The following PCDHA13 variants were observed in gnomAD, a reference collection of about 807,000 sequenced individuals.
PCDHA13 encodes protocadherin alpha-13.
A neutral mutation model predicts 64.8 loss-of-function variants in PCDHA13; 54 were observed. The observed-to-expected ratio is 0.83, with a 90% confidence interval of 0.67 to 1.04. The LOEUF (loss-of-function observed/expected upper bound fraction) is 1.04. PCDHA13 is among the 50% of genes least tolerant of loss of function. The pLI, the probability that PCDHA13 is intolerant of heterozygous loss-of-function variation, is 0.00. For missense variants in PCDHA13, 1,248 were observed against 1,254.3 expected (o/e 0.99, Z 0.08); for synonymous variants, 587 against 564.4 (o/e 1.04, Z -0.57).
Position 140,996,899 on chromosome 5 carries a change from C to T in PCDHA13, c.2543-12728C>T, listed in dbSNP as rs529654978. Among the ~76,000 whole-genome samples, 7 of 152,226 alleles carry T rather than the reference C, an allele frequency of 4.6e-5. No individual in the cohort carries two copies. The South Asian group carries it at 1.4e-3, about 32-fold the overall frequency. ...TGTATTTTTAAATAAAATAGAATTA[C>T]ATTGTTGAAGTAAATATTAAAAAAT... is the stretch of plus-strand genomic sequence containing the variant. On this transcript the variant is annotated intron_variant, in intron 3 of 3. Transcript: ENST00000289272.
chr5:140,925,641 TATAATAATAATAATAATA>T (rs10569930), intron 1 of PCDHA13, among the ~76,000 whole-genome samples: 1 of 143,358 alleles, frequency 7.0e-6, no homozygotes, highest in African/African-American at 2.5e-5. Context: ...GAACTTAAAG[TATAATAATAATAATAATA>T]ATAATAATAA....
chr5:140,966,586 TG>T (rs1297938804), intron 1 of PCDHA13: 39 of 548,908 alleles, frequency 7.1e-5, no homozygotes, highest in Non-Finnish European at 1.1e-4. Flanking sequence ...GCGAGGACGG[TG>T]GGGCCAGGAG....
intron 1 of PCDHA13, among the ~76,000 whole-genome samples, chr5:140,964,435 C>G (rs2095833359): frequency 6.6e-6 from 1 of 152,108 alleles, no homozygotes; most frequent in African/African-American, 2.4e-5. Context: ...AATTACCAAG[C>G]CTCTGCCACT....
intron 1 of PCDHA13, chr5:140,928,283 T>C (rs782493603): frequency 4.3e-6 from 7 of 1,614,178 alleles, no homozygotes; most frequent in Non-Finnish European, 5.1e-6. Flanking sequence ...GGGGCCTCTC[T>C]AGGCCGAGTG....
chr5:141,002,879 A>G (rs2098100373), intron 3 of PCDHA13, among the ~76,000 whole-genome samples: 1 of 152,228 alleles, frequency 6.6e-6, no homozygotes, highest in Non-Finnish European at 1.5e-5. Flanking sequence ...TCAAGAACAG[A>G]AAGAGAACAA....
chr5:140,916,028 C>T (rs1554197245), intron 1 of PCDHA13, among the ~76,000 whole-genome samples: 1 of 152,152 alleles, frequency 6.6e-6, no homozygotes, highest in African/African-American at 2.4e-5. Flanking sequence ...TCCCATTCTT[C>T]CCTCCCCTTT....
chr5:140,999,019 A>C (rs782524233), intron 3 of PCDHA13, among the ~76,000 whole-genome samples: 1 of 152,208 alleles, frequency 6.6e-6, no homozygotes, highest in Non-Finnish European at 1.5e-5. Context: ...TGAACCCAAG[A>C]CTTTTGATAC....
In PCDHA13 at chr5:140,973,293, A is replaced by G. The variant is rs150966135; in HGVS notation, c.2395-5656A>G. Among the ~76,000 whole-genome samples, 103 of 152,230 alleles carry G rather than the reference A, an allele frequency of 6.8e-4. No homozygotes were observed. The East Asian group carries it at 0.019, about 27-fold the overall frequency. On this transcript the variant is annotated intron_variant, in intron 1 of 3. Transcript: ENST00000289272. ...TATTTCCCCCAGCACTGATTTTTCT[A>G]TCTGATGACTCTATCCTGGAACAGA...
intron 1 of PCDHA13, chr5:140,928,443 G>A: frequency 6.2e-7 from 1 of 1,614,184 alleles, no homozygotes. Context: ...ACTTTGAGCA[G>A]CTCAGGGGGT....
intron 1 of PCDHA13, among the ~76,000 whole-genome samples, chr5:140,951,224 A>G (rs539647356): frequency 3.2e-4 from 49 of 151,938 alleles, no homozygotes; most frequent in Non-Finnish European, 6.9e-4. Context: ...TGGATTCTTG[A>G]TGGTCTTTAC....
rs536777034 is a variant in PCDHA13 at position 140,985,803 on chromosome 5, G to A, written c.2542+3240G>A. Among the ~76,000 whole-genome samples the A allele has an allele frequency of 1.3e-4, 18 of 139,858 alleles. No individual in the cohort carries two copies. In the East Asian group the frequency reaches 1.8e-3, roughly 14 times the overall value. The allele number at this position is 139,858 out of a possible 152,430, so 91.8% of individuals were successfully genotyped here. A position where few individuals can be genotyped will look rare whatever the true frequency, so the allele number is the denominator to read the frequency against. Reference sequence around the variant, plus strand: ...CGCCCAGGCTGGAGTGCAGTGGCACGATCTCAGCTCACAACAAGCTCTGCC... The same window carrying A: ...CGCCCAGGCTGGAGTGCAGTGGCACAATCTCAGCTCACAACAAGCTCTGCC... On this transcript the variant is annotated intron_variant, in intron 3 of 3. Transcript: ENST00000289272.
At chr5:140,943,761 A>T (rs1219179710) in intron 1 of PCDHA13, among the ~76,000 whole-genome samples, 1 of 152,248 alleles carries the variant, frequency 6.6e-6, no homozygotes, top group Non-Finnish European at 1.5e-5. Context: ...TAGGAGATGT[A>T]GGAAAAAAAC....
chr5:140,907,360 T>C (rs1241355980), intron 1 of PCDHA13, among the ~76,000 whole-genome samples: 1 of 152,186 alleles, frequency 6.6e-6, no homozygotes, highest in Admixed American at 6.5e-5. Flanking sequence ...TGCACTTCTT[T>C]AGTCGTAAAG....
intron 1 of PCDHA13, among the ~76,000 whole-genome samples, chr5:140,942,621 A>T (rs1038877515): frequency 1.5e-3 from 44 of 29,368 alleles, no homozygotes; most frequent in African/African-American, 6.9e-3. Flanking sequence ...GCCAATTGTA[A>T]AAAAAAAAAT....
intron 1 of PCDHA13, among the ~76,000 whole-genome samples, chr5:140,911,201 C>G: frequency 6.6e-6 from 1 of 152,110 alleles, no homozygotes; most frequent in Non-Finnish European, 1.5e-5. Context: ...GACATGTTGC[C>G]ACTACTGGGG....
intron 1 of PCDHA13, among the ~76,000 whole-genome samples, chr5:140,938,996 A>C (rs1212565184): frequency 2.6e-5 from 4 of 152,206 alleles, no homozygotes; most frequent in Non-Finnish European, 4.4e-5. Context: ...TTATATAGTA[A>C]GTTAAGAAGT....
Position 141,010,042 on chromosome 5 carries a change from TAGAGACCTCAG to T in PCDHA13, c.*107_*117del. ...TTTTTCCTATCTACATGAGCCCTCTTAGAGACCTCAGAAATCTGCAGAAAGTTCCCTGTGTC... is the reference window on the plus strand; with the variant it reads ...TTTTTCCTATCTACATGAGCCCTCTTAAATCTGCAGAAAGTTCCCTGTGTC... On this transcript the variant is annotated 3_prime_UTR_variant, in exon 4 of 4. Transcript: ENST00000289272. 6.3e-7 allele frequency: 1 copy of T among 1,594,374 alleles called. No individual in the cohort carries two copies. The highest frequency in any genetic ancestry group is 1.2e-5 in the South Asian group (1 of 86,942).
At chr5:140,947,439 G>C (rs2094135272) in intron 1 of PCDHA13, among the ~76,000 whole-genome samples, 1 of 151,638 alleles carries the variant, frequency 6.6e-6, no homozygotes, top group African/African-American at 2.4e-5. Flanking sequence ...AAAATCAGCT[G>C]TGAAATCCTC....
At chr5:140,975,208 G>A (rs1449804050) in intron 1 of PCDHA13, among the ~76,000 whole-genome samples, 1 of 152,170 alleles carries the variant, frequency 6.6e-6, no homozygotes, top group African/African-American at 2.4e-5. Context: ...TTCATGGCTG[G>A]CACTGGAGAA....
Sources: allele counts gnomAD v4.1 joint callset (sites outside exome capture counted in the v4.1 genomes callset), GRCh38; gene constraint gnomAD v4.1.1; transcripts MANE v1.5; gene names NCBI Gene and HGNC (gene_info 2026-07-23, HGNC 2026-07-21).